Variants in POLR3B observed in about 807,000 individuals in gnomAD.
The protein encoded by POLR3B is RNA polymerase III subunit B.
In POLR3B, 96 loss-of-function variants were observed where a neutral mutation model predicts 147.4. The ratio of observed to expected loss-of-function variants is 0.65; its 90% CI spans 0.55 to 0.77. The LOEUF (loss-of-function observed/expected upper bound fraction) is 0.77. Among genes scored for constraint, POLR3B ranks in the 30% least tolerant of loss-of-function variants. The pLI is 0.00. For synonymous variants in POLR3B, 461 were observed against 485.9 expected (o/e 0.95, Z 0.67); for missense variants, 1,036 against 1,413.5 (o/e 0.73, Z 4.28).
At chr12:106,399,360 C>G (rs2136923832) in intron 10 of POLR3B, among the ~76,000 whole-genome samples, 1 of 152,212 alleles carries the variant, frequency 6.6e-6, no homozygotes, top group Non-Finnish European at 1.5e-5. Flanking sequence ...ATTGGTGTAC[C>G]TGAAAGTGAC....
At chr12:106,398,629 A>G (rs1015715515) in intron 10 of POLR3B, among the ~76,000 whole-genome samples, 1 of 152,188 alleles carries the variant, frequency 6.6e-6, no homozygotes, top group Non-Finnish European at 1.5e-5. Context: ...CTCCTCTGAG[A>G]CAAAACTTCC....
Position 106,366,586 on chromosome 12 carries a change from G to C in POLR3B, c.162+14G>C. On this transcript the variant is annotated intron_variant, in intron 3 of 27. Transcript: ENST00000228347. ...ATTAATGTAGAGGTAAGCATCAGAT[G>C]TTAGAAATAGACATAAACTAAGGAT... 1.9e-6 allele frequency: 3 copies of C among 1,601,462 alleles called. No homozygotes were observed. Among genetic ancestry groups the C allele is most frequent in the Non-Finnish European group, 2.6e-6 (3 of 1,168,512 alleles).
intron 27 of POLR3B, among the ~76,000 whole-genome samples, chr12:106,506,221 G>GTAA (rs2038685927): frequency 6.6e-6 from 1 of 152,198 alleles, no homozygotes; most frequent in Non-Finnish European, 1.5e-5. Context: ...AAGAAATCAT[G>GTAA]TAATAGGAAG....
intron 23 of POLR3B, among the ~76,000 whole-genome samples, chr12:106,481,651 T>G (rs2038269422): frequency 6.6e-6 from 1 of 152,226 alleles, no homozygotes; most frequent in African/African-American, 2.4e-5. Context: ...CTGATACCAC[T>G]GTGCCCATTC....
chr12:106,393,872 T>G (rs149866456), intron 10 of POLR3B, among the ~76,000 whole-genome samples: 66 of 152,112 alleles, frequency 4.3e-4, no homozygotes, highest in African/African-American at 1.5e-3. Context: ...TACTTAGGAT[T>G]TTAGTCCCAT....
At chr12:106,452,518 A>G (rs1375396251) in intron 19 of POLR3B, among the ~76,000 whole-genome samples, 1 of 152,212 alleles carries the variant, frequency 6.6e-6, no homozygotes, top group Non-Finnish European at 1.5e-5. Flanking sequence ...TTCAGAAGAC[A>G]TGTTTGGCAG....
chr12:106,450,074 C>T (rs2037776569), intron 19 of POLR3B, among the ~76,000 whole-genome samples: 1 of 152,014 alleles, frequency 6.6e-6, no homozygotes, highest in African/African-American at 2.4e-5. Context: ...ATCAAGAGTC[C>T]AGAAATAGAC....
intron 18 of POLR3B, among the ~76,000 whole-genome samples, chr12:106,438,500 TG>T (rs981885756): frequency 1.7e-4 from 25 of 151,188 alleles, no homozygotes; most frequent in African/African-American, 5.3e-4. Flanking sequence ...ACCATATATA[TG>T]TTTTTTTTTT....
intron 23 of POLR3B, among the ~76,000 whole-genome samples, chr12:106,463,851 A>T (rs1045836356): frequency 3.9e-5 from 6 of 152,170 alleles, no homozygotes; most frequent in African/African-American, 1.4e-4. Context: ...TGCAGTTGCT[A>T]TGCCCAGAAT....
intron 23 of POLR3B, among the ~76,000 whole-genome samples, chr12:106,475,996 G>A (rs1346733744): frequency 8.1e-4 from 122 of 151,076 alleles, no homozygotes; most frequent in African/African-American, 2.6e-3. Flanking sequence ...ATTTTGCAGC[G>A]GCTGGTACCG....
At chr12:106,404,251 C>T (rs142720002) in intron 10 of POLR3B, among the ~76,000 whole-genome samples, 32 of 151,952 alleles carry the variant, frequency 2.1e-4, no homozygotes, top group Admixed American at 5.2e-4. Context: ...CCACGATGCC[C>T]GGCTAATCTT....
intron 23 of POLR3B, among the ~76,000 whole-genome samples, chr12:106,493,450 CT>C (rs943519229): frequency 2.7e-4 from 41 of 152,156 alleles, no homozygotes; most frequent in Admixed American, 1.3e-3. Context: ...CTTTCTACCC[CT>C]AATGAATTCA....
At chr12:106,457,398 A>G (rs761712892) in intron 21 of POLR3B, 102 bp downstream of exon 21, 300 of 888,460 alleles carry the variant, frequency 3.4e-4, no homozygotes, top group East Asian at 1.4e-3. Context: ...AAAAGTAACA[A>G]CCTATAAAAC....
intron 20 of POLR3B, among the ~76,000 whole-genome samples, chr12:106,456,284 C>T (rs2037862162): frequency 6.6e-6 from 1 of 152,020 alleles, no homozygotes; most frequent in African/African-American, 2.4e-5. Flanking sequence ...TTTTTTGCCC[C>T]ACCCAAAGGT....
chr12:106,436,208 A>C (rs2037574080), intron 16 of POLR3B, among the ~76,000 whole-genome samples: 1 of 152,216 alleles, frequency 6.6e-6, no homozygotes, highest in South Asian at 2.1e-4. Flanking sequence ...TTTGGACTTT[A>C]GGGTAGAGCG....
In POLR3B at chr12:106,433,713, G is replaced by A; in HGVS notation, c.1628-6G>A. 3.1e-6 allele frequency: 5 copies of A among 1,609,648 alleles called. No individual in the cohort carries two copies. Among genetic ancestry groups the A allele is most frequent in the Non-Finnish European group, 4.2e-6 (5 of 1,178,420 alleles). The stretch of plus-strand genomic sequence containing the variant: ...TCTGTCTTACCTGTTCTTTCTTTTT[G>A]CCTAGGTAACATCTTAGGTGTCATT... On this transcript the variant is annotated splice_region_variant and splice_polypyrimidine_tract_variant and intron_variant, in intron 15 of 27. Coordinates refer to ENST00000228347, the MANE Select transcript of POLR3B (RefSeq NM_018082.6).
At chr12:106,427,456 T>C (rs943267793) in intron 13 of POLR3B, 98 bp downstream of exon 13, 2 of 1,096,874 alleles carry the variant, frequency 1.8e-6, no homozygotes, top group Non-Finnish European at 2.8e-6. Flanking sequence ...AGGTGAAATA[T>C]ATATATCAAA....
chr12:106,493,568 T>A (rs2038434049), intron 23 of POLR3B, among the ~76,000 whole-genome samples: 3 of 152,378 alleles, frequency 2.0e-5, no homozygotes, highest in South Asian at 4.1e-4. Flanking sequence ...GGTCTCTTTG[T>A]GTTAACTTGT....
chr12:106,383,066 G>C (rs2036786110), intron 9 of POLR3B, among the ~76,000 whole-genome samples: 1 of 152,176 alleles, frequency 6.6e-6, no homozygotes, highest in Non-Finnish European at 1.5e-5. Context: ...TTATGTTATG[G>C]AGATGGCTTC....
Sources: gnomAD v4.1 joint callset for allele counts (sites outside exome capture counted in the v4.1 genomes callset) on GRCh38, gnomAD v4.1.1 for gene constraint, MANE v1.5 for transcripts, NCBI Gene and HGNC (gene_info 2026-07-23, HGNC 2026-07-21) for gene names.